NAA25: variants seen among roughly 807,000 people sequenced by gnomAD.
NAA25 encodes N-terminal acetyltransferase B complex subunit NAA25.
A neutral mutation model predicts 132.5 loss-of-function variants in NAA25; 30 were observed. The ratio of observed to expected loss-of-function variants is 0.23; its 90% confidence interval spans 0.17 to 0.31. The LOEUF (loss-of-function observed/expected upper bound fraction) is 0.31. Among genes scored for constraint, NAA25 ranks in the 10% least tolerant of loss-of-function variants. The probability of loss-of-function intolerance (pLI) is 1.00; values close to 1 mark genes in which losing one functional copy is unlikely to be tolerated. For synonymous variants in NAA25, 359 were observed against 401.9 expected (o/e 0.89, Z 1.28); for missense variants, 771 against 1,150.4 (o/e 0.67, Z 4.77).
chr12:112,098,162 A>G (rs1323379847), intron 1 of NAA25, among the ~76,000 whole-genome samples: 1 of 151,064 alleles, frequency 6.6e-6, no homozygotes, highest in East Asian at 1.9e-4. Context: ...AAATGAATAG[A>G]CACAGAGAAA....
Position 112,054,666 on chromosome 12 carries a change from A to G in NAA25, c.1448-98T>C, listed in dbSNP as rs77745222. Reference sequence around the variant, plus strand: ...CCTTATTGACATCATCACCCCCCCCAATAAATGAAGTTAAATGACAGAGAA... The same window carrying G: ...CCTTATTGACATCATCACCCCCCCCGATAAATGAAGTTAAATGACAGAGAA... On this transcript the variant is annotated intron_variant, in intron 13 of 23. Coordinates refer to ENST00000261745, the MANE Select transcript of NAA25 (RefSeq NM_024953.4). The G allele has an allele frequency of 3.4e-3, 3,715 of 1,096,966 alleles. 97 individuals are homozygous for G. In the African/African-American group the frequency reaches 0.052, roughly 15 times the overall value. 68.0% of individuals were successfully genotyped at this position (1,096,966 alleles called of 1,614,324 possible). A position where few individuals can be genotyped will look rare whatever the true frequency, so the allele number is the denominator to read the frequency against.
chr12:112,097,759 T>TG (rs1255213946), intron 1 of NAA25, among the ~76,000 whole-genome samples: 2 of 152,076 alleles, frequency 1.3e-5, no homozygotes, highest in Non-Finnish European at 1.5e-5. Context: ...AGCCACAGCT[T>TG]GGTGTGGCTA....
chr12:112,093,210 T>A, intron 1 of NAA25, 74 bp from the exon 2 acceptor site: 1 of 916,786 alleles, frequency 1.1e-6, no homozygotes, highest in Non-Finnish European at 1.7e-6. Context: ...CCAACTGGTA[T>A]GAGATATTTT....
chr12:112,090,621 T>C (rs1174747823), intron 3 of NAA25, 105 bp downstream of exon 3: 31 of 1,161,746 alleles, frequency 2.7e-5, no homozygotes, highest in East Asian at 2.4e-5. Context: ...TTCTACCTAC[T>C]GTATCCATTC....
At position 112,043,709 on chromosome 12, in the gene NAA25, G is replaced by A. The variant is rs1394305053; in HGVS notation, c.2166C>T (p.Ser722=). The change falls in exon 18 of 24, where the codon TCC becomes TCT. Residue 722 remains serine (S), a synonymous_variant. Coordinates refer to ENST00000261745, the MANE Select transcript of NAA25 (RefSeq NM_024953.4). Reference sequence around the variant, plus strand: ...GGAGCAAACGAAGAATATCAATCCGGGAGGATACCCCATTCTCGGCAGTCT... The same window carrying A: ...GGAGCAAACGAAGAATATCAATCCGAGAGGATACCCCATTCTCGGCAGTCT... ...SEKTAENGVS[S]RIDILRLLLQ... is the part of the protein sequence containing the mutation. The A allele has an allele frequency of 6.2e-7, 1 of 1,614,114 alleles. No individual in the cohort carries two copies. The highest frequency in any genetic ancestry group is 8.5e-7 in the Non-Finnish European group (1 of 1,180,016).
At chr12:112,065,991 C>A (rs1029373295) in intron 11 of NAA25, among the ~76,000 whole-genome samples, 3 of 152,162 alleles carry the variant, frequency 2.0e-5, no homozygotes, top group African/African-American at 4.8e-5. Flanking sequence ...TAGACTAGGA[C>A]TATAAACTCA....
chr12:112,108,695 G>A lies in NAA25; in HGVS notation c.58+21C>T, dbSNP rs375654598. On this transcript the variant is annotated intron_variant, in intron 1 of 23. Coordinates refer to ENST00000261745, the MANE Select transcript of NAA25 (RefSeq NM_024953.4). The stretch of plus-strand genomic sequence containing the variant: ...CCCTCGGCGCGTCGGGCTGGCGAGC[G>A]GGCTGGTCCAAGACACTCACCGTAA... 6.9e-4 allele frequency: 1,009 copies of A among 1,458,696 alleles called. 3 individuals carry two copies. The African/African-American group carries it at 7.9e-3, about 11-fold the overall frequency. The allele number at this position is 1,458,696 out of a possible 1,614,324, so 90.4% of individuals were successfully genotyped here. A position where few individuals can be genotyped will look rare whatever the true frequency, so the allele number is the denominator to read the frequency against.
chr12:112,060,912 C>T lies in NAA25; in HGVS notation c.1357+269G>A, dbSNP rs565155657. 2.6e-5 allele frequency among the ~76,000 whole-genome samples: 4 copies of T among 152,186 alleles called. No individual in the cohort carries two copies. In the South Asian group the frequency reaches 8.3e-4, roughly 32 times the overall value. ...TACAAGCAGAAAATGTGATAATTAT[C>T]ATAAACTATGCAATCTATATGAGCC... is the stretch of plus-strand genomic sequence containing the variant. On this transcript the variant is annotated intron_variant, in intron 12 of 23. Coordinates refer to ENST00000261745, the MANE Select transcript of NAA25 (RefSeq NM_024953.4).
At chr12:112,056,873 T>C (rs2078553321) in intron 13 of NAA25, among the ~76,000 whole-genome samples, 1 of 152,190 alleles carries the variant, frequency 6.6e-6, no homozygotes, top group Admixed American at 6.5e-5. Context: ...CCTATAAAAC[T>C]GTGACAATAA....
chr12:112,096,203 A>G lies in NAA25; in HGVS notation c.59-3067T>C, dbSNP rs1465059. Among the ~76,000 whole-genome samples the G allele has an allele frequency of 0.055, 8,438 of 152,264 alleles. 1,300 individuals carry two copies. The East Asian group carries it at 0.61, about 11-fold the overall frequency. ...AGCAAAGATTCATTTCTAGAGAAGAAAAATGAGAAGTGTTATAAATGGGAA... is the reference window on the plus strand; with the variant it reads ...AGCAAAGATTCATTTCTAGAGAAGAGAAATGAGAAGTGTTATAAATGGGAA... On this transcript the variant is annotated intron_variant, in intron 1 of 23. Transcript: ENST00000261745.
intron 1 of NAA25, among the ~76,000 whole-genome samples, chr12:112,094,448 C>CA (rs1227764902): frequency 6.6e-6 from 1 of 151,562 alleles, no homozygotes; most frequent in Non-Finnish European, 1.5e-5. Context: ...AAATAAAAAC[C>CA]AAAAAAGAAA....
Position 112,078,281 on chromosome 12 carries a change from A to G in NAA25, c.586-15T>C, listed in dbSNP as rs899594158. Reference sequence around the variant, plus strand: ...TAAAGTTCAACCTTACAGAAAAAAAACAAGAAGTGCAACCTCTGAAACTTT... The same window carrying G: ...TAAAGTTCAACCTTACAGAAAAAAAGCAAGAAGTGCAACCTCTGAAACTTT... On this transcript the variant is annotated splice_polypyrimidine_tract_variant and intron_variant, in intron 6 of 23. Coordinates refer to ENST00000261745, the MANE Select transcript of NAA25 (RefSeq NM_024953.4). 2 of 1,568,086 alleles carry G rather than the reference A, an allele frequency of 1.3e-6. No individual in the cohort carries two copies. The highest frequency in any genetic ancestry group is 1.7e-6 in the Non-Finnish European group (2 of 1,151,032).
rs755604115 is a variant in NAA25 at position 112,039,262 on chromosome 12, C to G, written c.2616G>C (p.Lys872Asn). 1 of 1,603,536 alleles carries G rather than the reference C, an allele frequency of 6.2e-7. No individual in the cohort carries two copies. Among genetic ancestry groups the G allele is most frequent in the Non-Finnish European group, 8.5e-7 (1 of 1,175,406 alleles). ...TGCTGGTTTCTTTTTTCTTCTTTTT[C>G]TTTTTCTGTAAATTTAGTTTGTATG... ...LRPYKLNLQK[K>N]KKKKKETSII... The change falls in exon 22 of 24, where the codon AAG (lysine) becomes AAC (asparagine). Residue 872 changes from lysine (K) to asparagine (N), a missense_variant. Transcript: ENST00000261745.
intron 1 of NAA25, among the ~76,000 whole-genome samples, chr12:112,101,824 T>A (rs2079300881): frequency 6.6e-6 from 1 of 151,542 alleles, no homozygotes; most frequent in African/African-American, 2.4e-5. Flanking sequence ...AACCAGTGAT[T>A]AGTGATGGCT....
chr12:112,084,308 G>T (rs987628609), intron 4 of NAA25, among the ~76,000 whole-genome samples: 1 of 152,144 alleles, frequency 6.6e-6, no homozygotes, highest in African/African-American at 2.4e-5. Flanking sequence ...AAATTATTGT[G>T]CAGATGCTAT....
At chr12:112,066,786 T>C (rs972786356) in intron 11 of NAA25, among the ~76,000 whole-genome samples, 1 of 152,172 alleles carries the variant, frequency 6.6e-6, no homozygotes, top group Non-Finnish European at 1.5e-5. Flanking sequence ...TGGTTACTTA[T>C]CAGTTGGGGA....
In NAA25 at chr12:112,029,375, A is replaced by G. The variant is rs1033056594; in HGVS notation, c.*156T>C. On this transcript the variant is annotated 3_prime_UTR_variant, in exon 24 of 24. Coordinates refer to ENST00000261745, the MANE Select transcript of NAA25 (RefSeq NM_024953.4). ...TATACAATAATTTAATCAGTTGTAT[A>G]TATTTAACACCTAAAAAAATTCACG... The G allele has an allele frequency of 1.1e-5, 13 of 1,187,174 alleles. No homozygotes were observed. The highest frequency in any genetic ancestry group is 1.5e-5 in the Non-Finnish European group (13 of 854,956). The allele number at this position is 1,187,174 out of a possible 1,614,324, so 73.5% of individuals were successfully genotyped here.
At chr12:112,064,847 G>A (rs1052430184) in intron 11 of NAA25, among the ~76,000 whole-genome samples, 7 of 147,878 alleles carry the variant, frequency 4.7e-5, no homozygotes, top group South Asian at 2.2e-4. Context: ...CCAGCCTCAC[G>A]AACATGGAGA....
intron 6 of NAA25, among the ~76,000 whole-genome samples, 170 bp from the exon 7 acceptor site, chr12:112,078,436 T>G (rs539876606): frequency 2.6e-5 from 4 of 152,344 alleles, no homozygotes; most frequent in South Asian, 2.1e-4. Context: ...CTCCCGTCTA[T>G]ACACATCTCA....
Sources: gnomAD v4.1 joint callset for allele counts (sites outside exome capture counted in the v4.1 genomes callset) on GRCh38, gnomAD v4.1.1 for gene constraint, MANE v1.5 for transcripts, NCBI Gene and HGNC (gene_info 2026-07-23, HGNC 2026-07-21) for gene names.